Variants in NWD1 observed in about 807,000 individuals in gnomAD.
NWD1 encodes NACHT domain- and WD repeat-containing protein 1.
NWD1 carries 129 observed loss-of-function variants against 135.1 expected under a neutral mutation model. The ratio of observed to expected loss-of-function variants is 0.96; its 90% CI spans 0.83 to 1.11. The LOEUF is 1.11. Ranked by LOEUF, NWD1 falls within the 50% of genes least tolerant of loss-of-function variation. The pLI, the probability that NWD1 is intolerant of heterozygous loss-of-function variation, is 0.00. For synonymous variants in NWD1, 773 were observed against 786.0 expected, an observed-to-expected ratio of 0.98 and a Z score of 0.28; for missense variants, 1,740 against 1,851.3, an observed-to-expected ratio of 0.94 and a Z score of 1.10.
intron 13 of NWD1, among the ~76,000 whole-genome samples, chr19:16,789,654 A>T (rs1053071343): frequency 6.7e-6 from 1 of 148,950 alleles, no homozygotes; most frequent in Non-Finnish European, 1.5e-5. Flanking sequence ...TTCCATTTTG[A>T]TGATGTAAAA....
At chr19:16,776,634 A>G (rs12974841) in intron 11 of NWD1, among the ~76,000 whole-genome samples, 52,806 of 151,190 alleles carry the variant, frequency 0.35, 10,507 homozygotes, top group East Asian at 0.55. Context: ...TGCATAAGAA[A>G]AAAAGTAAAA....
Position 16,807,494 on chromosome 19 carries a change from A to G in NWD1, c.3737-92A>G, listed in dbSNP as rs1277343830. On this transcript the variant is annotated intron_variant, in intron 17 of 18. Transcript: ENST00000524140. Reference sequence around the variant, plus strand: ...GGCAACAGAGTGAGACTCCATCTCAAAAACAAAACAAAACAAAAAAAACCA... The same window carrying G: ...GGCAACAGAGTGAGACTCCATCTCAGAAACAAAACAAAACAAAAAAAACCA... 14 of 1,085,290 alleles carry G rather than the reference A, an allele frequency of 1.3e-5. No homozygotes were observed. In the East Asian group the frequency reaches 3.3e-4, roughly 26 times the overall value. 67.2% of individuals were successfully genotyped at this position (1,085,290 alleles called of 1,614,324 possible). A position where few individuals can be genotyped will look rare whatever the true frequency, so the allele number is the denominator to read the frequency against.
At chr19:16,776,592 A>G (rs1555727122) in intron 11 of NWD1, among the ~76,000 whole-genome samples, 3 of 150,490 alleles carry the variant, frequency 2.0e-5, no homozygotes, top group Non-Finnish European at 4.4e-5. Context: ...AATGAAAAGT[A>G]TGAGTTAATA....
intron 9 of NWD1, among the ~76,000 whole-genome samples, chr19:16,764,721 A>G (rs1262951891): frequency 6.6e-6 from 1 of 151,770 alleles, no homozygotes; most frequent in African/African-American, 2.4e-5. Flanking sequence ...CCATCCATTC[A>G]CCAATCCCCG....
chr19:16,808,292 G>A (rs1482600278), intron 18 of NWD1, among the ~76,000 whole-genome samples, 156 bp downstream of exon 18: 1 of 152,162 alleles, frequency 6.6e-6, no homozygotes, highest in Admixed American at 6.6e-5. Flanking sequence ...GCTCACGCCT[G>A]TAATCCCAGT....
At chr19:16,745,099 T>C (rs111859871) in intron 5 of NWD1, 105 of 467,034 alleles carry the variant, frequency 2.2e-4, no homozygotes, top group Middle Eastern at 1.8e-3. Flanking sequence ...CTCACAATCA[T>C]GGCTGAAGGC....
chr19:16,814,059 A>C (rs1681165903), intron 18 of NWD1, among the ~76,000 whole-genome samples: 1 of 152,112 alleles, frequency 6.6e-6, no homozygotes, highest in Non-Finnish European at 1.5e-5. Flanking sequence ...TCAGGAGGAT[A>C]AAGTGATCAT....
At chr19:16,743,778 G>T (rs1309607160) in intron 4 of NWD1, among the ~76,000 whole-genome samples, 1 of 151,906 alleles carries the variant, frequency 6.6e-6, no homozygotes, top group Non-Finnish European at 1.5e-5. Context: ...CCTCTCCCGG[G>T]TTCAAGCAAT....
chr19:16,795,960 C>A (rs1456616388), intron 15 of NWD1, among the ~76,000 whole-genome samples: 1 of 152,086 alleles, frequency 6.6e-6, no homozygotes, highest in African/African-American at 2.4e-5. Context: ...AGAATGAGGT[C>A]ATGCTGACAA....
chr19:16,732,078 G>T (rs141485925), intron 3 of NWD1, among the ~76,000 whole-genome samples: 1 of 151,958 alleles, frequency 6.6e-6, no homozygotes, highest in African/African-American at 2.4e-5. Flanking sequence ...TTAGCCGGGC[G>T]TGGTGGCTCA....
At chr19:16,749,054 C>A (rs1457511682) in intron 5 of NWD1, 85 bp from the exon 6 acceptor site, 11 of 1,054,306 alleles carry the variant, frequency 1.0e-5, no homozygotes, top group Non-Finnish European at 1.5e-5. Flanking sequence ...CATCCCCCAA[C>A]AACAGGTCTC....
chr19:16,745,118 A>C, intron 5 of NWD1: 1 of 461,970 alleles, frequency 2.2e-6, no homozygotes, highest in South Asian at 1.6e-5. Context: ...GCAAAGGAGA[A>C]GCAAAGAGGC....
At chr19:16,744,282 T>A in intron 4 of NWD1, 139 bp from the exon 5 acceptor site, 1 of 662,610 alleles carries the variant, frequency 1.5e-6, no homozygotes, top group Non-Finnish European at 2.6e-6. Flanking sequence ...GTGGTCCAAG[T>A]GGGAGGATCA....
At chr19:16,761,686 G>A (rs1424851199) in intron 7 of NWD1, among the ~76,000 whole-genome samples, 1 of 152,028 alleles carries the variant, frequency 6.6e-6, no homozygotes, top group Admixed American at 6.6e-5. Flanking sequence ...CTTAATTCTC[G>A]GTATATACCC....
rs1967076866 is a variant in NWD1, at chr19:16,719,849, T to A, written c.-549T>A. On this transcript the variant is annotated 5_prime_UTR_variant, in exon 1 of 19. The change creates a new upstream start codon in the 5' untranslated region. Coordinates refer to ENST00000524140, the MANE Select transcript of NWD1 (RefSeq NM_001007525.5). The stretch of plus-strand genomic sequence containing the variant: ...CAAACAATCGCTTTCATTATCCCAG[T>A]TGCTGGGAGAATTGGGCAAGGAGAG... 1 of 152,124 alleles carries A rather than the reference T, an allele frequency of 6.6e-6. No individual in the cohort carries two copies. The highest frequency in any genetic ancestry group is 1.5e-5 in the Non-Finnish European group (1 of 68,026). The allele number at this position is 152,124 out of a possible 1,614,324, so 9.4% of individuals were successfully genotyped here.
chr19:16,775,450 G>A (rs1403372950), intron 11 of NWD1, among the ~76,000 whole-genome samples: 1 of 152,080 alleles, frequency 6.6e-6, no homozygotes, highest in East Asian at 1.9e-4. Flanking sequence ...GCCATTTTCA[G>A]TGTAGGGCTG....
At chr19:16,750,633 T>A (rs1968539975) in intron 6 of NWD1, among the ~76,000 whole-genome samples, 2 of 147,564 alleles carry the variant, frequency 1.4e-5, no homozygotes, top group South Asian at 2.2e-4. Context: ...ATAATTTTTT[T>A]ATTTTTATTT....
chr19:16,721,813 G>A (rs1433928650), intron 1 of NWD1, among the ~76,000 whole-genome samples: 1 of 152,082 alleles, frequency 6.6e-6, no homozygotes, highest in East Asian at 1.9e-4. Flanking sequence ...TTACTGCTGA[G>A]AAAATAATTA....
chr19:16,725,615 T>C (rs1967298766), intron 2 of NWD1, among the ~76,000 whole-genome samples: 1 of 152,048 alleles, frequency 6.6e-6, no homozygotes. Context: ...TGCAGTGGCA[T>C]GATTTTGGCT....
Sources: gnomAD v4.1 joint callset for allele counts (sites outside exome capture counted in the v4.1 genomes callset) on GRCh38, gnomAD v4.1.1 for gene constraint, MANE v1.5 for transcripts, NCBI Gene and HGNC (gene_info 2026-07-23, HGNC 2026-07-21) for gene names.